Variants in RIT2 observed in about 807,000 individuals in gnomAD.
RIT2 encodes the protein Ras like without CAAX 2, also known as GTP-binding protein Rit2.
Under a neutral mutation model 23.7 loss-of-function variants are expected in RIT2, and 24 were observed. The ratio of observed to expected loss-of-function variants is 1.01; its 90% CI spans 0.73 to 1.43. RIT2 has a LOEUF of 1.43. Among genes scored for constraint, RIT2 ranks in the 40% most tolerant of loss-of-function variants. The pLI is 0.00. For missense variants in RIT2, 236 were observed against 266.9 expected, an observed-to-expected ratio of 0.88 and a Z score of 0.81; for synonymous variants, 107 against 91.1, an observed-to-expected ratio of 1.17 and a Z score of -0.99.
At chr18:42,940,664 T>C (rs1331181552) in intron 3 of RIT2, among the ~76,000 whole-genome samples, 1 of 152,084 alleles carries the variant, frequency 6.6e-6, no homozygotes, top group African/African-American at 2.4e-5. Flanking sequence ...GCCTCTTTTG[T>C]AAGCTTCATT....
chr18:42,993,745 C>G (rs1368700755), intron 2 of RIT2, among the ~76,000 whole-genome samples: 1 of 152,042 alleles, frequency 6.6e-6, no homozygotes, highest in Admixed American at 6.5e-5. Context: ...CACATCCTCC[C>G]CTTGTATCTC....
At chr18:42,850,953 A>G (rs970557230) in intron 4 of RIT2, among the ~76,000 whole-genome samples, 39 of 152,198 alleles carry the variant, frequency 2.6e-4, no homozygotes, top group African/African-American at 9.4e-4. Context: ...TAATTCCCAG[A>G]GGCCGGGAAC....
chr18:42,812,273 G>A (rs1019191563), intron 4 of RIT2, among the ~76,000 whole-genome samples: 9 of 152,204 alleles, frequency 5.9e-5, no homozygotes, highest in African/African-American at 1.7e-4. Context: ...ATTTTCCTGC[G>A]TTGAACATCA....
intron 1 of RIT2, among the ~76,000 whole-genome samples, chr18:43,099,795 T>A (rs959484999): frequency 6.6e-6 from 1 of 152,102 alleles, no homozygotes; most frequent in African/African-American, 2.4e-5. Context: ...GATGGCAAAA[T>A]CATTTTTGGC....
chr18:42,819,082 G>A (rs553134881), intron 4 of RIT2, among the ~76,000 whole-genome samples: 18 of 151,994 alleles, frequency 1.2e-4, no homozygotes, highest in African/African-American at 4.1e-4. Flanking sequence ...ACAAATGAAG[G>A]CAGAGATGGT....
At chr18:42,785,096 T>G (rs1362257992) in intron 4 of RIT2, among the ~76,000 whole-genome samples, 5 of 152,110 alleles carry the variant, frequency 3.3e-5, no homozygotes, top group African/African-American at 4.8e-5. Context: ...TTTATAAAAA[T>G]TATTTATCCA....
At chr18:42,799,703 A>G (rs1319194683) in intron 4 of RIT2, among the ~76,000 whole-genome samples, 2 of 152,192 alleles carry the variant, frequency 1.3e-5, no homozygotes, top group Non-Finnish European at 2.9e-5. Flanking sequence ...TCATCTAAGA[A>G]CATGCTTCCC....
chr18:42,830,646 A>T (rs935785122), intron 4 of RIT2, among the ~76,000 whole-genome samples: 1 of 152,198 alleles, frequency 6.6e-6, no homozygotes, highest in Non-Finnish European at 1.5e-5. Flanking sequence ...TGTAGCTGAA[A>T]ACAGGGCTGC....
At chr18:42,751,609 C>T (rs922624939) in intron 4 of RIT2, among the ~76,000 whole-genome samples, 7 of 151,644 alleles carry the variant, frequency 4.6e-5, no homozygotes, top group East Asian at 1.9e-4. Flanking sequence ...TGTAGCAGGC[C>T]GAAGTATACT....
intron 3 of RIT2, among the ~76,000 whole-genome samples, chr18:42,970,865 A>T (rs1315173357): frequency 6.6e-6 from 1 of 152,018 alleles, no homozygotes; most frequent in Non-Finnish European, 1.5e-5. Flanking sequence ...AGCTTTGGTC[A>T]AATAAAGCAT....
intron 3 of RIT2, among the ~76,000 whole-genome samples, chr18:42,931,074 C>A (rs1348988457): frequency 6.6e-6 from 1 of 152,082 alleles, no homozygotes; most frequent in Non-Finnish European, 1.5e-5. Flanking sequence ...GTGTGTTTTA[C>A]TCTCATTCCC....
rs553835309 is a variant in RIT2 at position 43,059,815 on chromosome 18, G to A, written c.104-25948C>T. Among the ~76,000 whole-genome samples, 148 of 152,000 alleles carry A rather than the reference G, an allele frequency of 9.7e-4. 2 individuals are homozygous for A. In the South Asian group the frequency reaches 0.013, roughly 13 times the overall value. On this transcript the variant is annotated intron_variant, in intron 1 of 4. Coordinates refer to ENST00000326695, the MANE Select transcript of RIT2 (RefSeq NM_002930.4). Reference sequence around the variant, plus strand: ...TTATTTTACAGAAAAGACAGCAGATGTCCTGGCTTTAGCTTTTGTTTAACA... The same window carrying A: ...TTATTTTACAGAAAAGACAGCAGATATCCTGGCTTTAGCTTTTGTTTAACA...
chr18:42,989,393 A>T (rs936226865), intron 2 of RIT2, among the ~76,000 whole-genome samples: 5 of 152,188 alleles, frequency 3.3e-5, no homozygotes, highest in African/African-American at 1.2e-4. Context: ...ATGCAACAGA[A>T]ATACAATATG....
At chr18:43,089,229 A>C (rs1038811965) in intron 1 of RIT2, among the ~76,000 whole-genome samples, 1 of 152,118 alleles carries the variant, frequency 6.6e-6, no homozygotes, top group Non-Finnish European at 1.5e-5. Flanking sequence ...TTTACCTGAT[A>C]AACAATGTCA....
chr18:42,964,117 G>A (rs964194032), intron 3 of RIT2, among the ~76,000 whole-genome samples: 1 of 151,966 alleles, frequency 6.6e-6, no homozygotes, highest in Non-Finnish European at 1.5e-5. Flanking sequence ...CTTAAACCTG[G>A]GAGGCGGAGG....
chr18:42,933,286 G>A (rs1364621034), intron 3 of RIT2, among the ~76,000 whole-genome samples: 2 of 151,868 alleles, frequency 1.3e-5, no homozygotes, highest in East Asian at 1.9e-4. Flanking sequence ...AAAATTGGGA[G>A]AAAAATGTTT....
At chr18:42,865,303 G>C (rs1437072042) in intron 4 of RIT2, among the ~76,000 whole-genome samples, 1 of 152,152 alleles carries the variant, frequency 6.6e-6, no homozygotes, top group African/African-American at 2.4e-5. Flanking sequence ...TTGAGGACCT[G>C]ATGTGGAGTC....
At chr18:42,748,394 C>T (rs1321285937) in intron 4 of RIT2, among the ~76,000 whole-genome samples, 1 of 151,814 alleles carries the variant, frequency 6.6e-6, no homozygotes, top group Non-Finnish European at 1.5e-5. Context: ...GCAATACCAC[C>T]TTACTCCTGC....
At chr18:42,893,263 T>C (rs1186230246) in intron 4 of RIT2, among the ~76,000 whole-genome samples, 1 of 150,912 alleles carries the variant, frequency 6.6e-6, no homozygotes, top group Non-Finnish European at 1.5e-5. Flanking sequence ...TCTGAGTCTA[T>C]GCTGTGCTGC....
Sources: allele counts gnomAD v4.1 joint callset (sites outside exome capture counted in the v4.1 genomes callset), GRCh38; gene constraint gnomAD v4.1.1; transcripts MANE v1.5; gene names NCBI Gene and HGNC (gene_info 2026-07-23, HGNC 2026-07-21).